Variants in ASB7 observed in about 807,000 individuals in gnomAD.
The protein encoded by ASB7 is ankyrin repeat and SOCS box protein 7.
A neutral mutation model predicts 32.5 loss-of-function variants in ASB7; 4 were observed. That is an observed-to-expected ratio of 0.12 (90% CI 0.06 to 0.28). The LOEUF (loss-of-function observed/expected upper bound fraction) is 0.28, where lower values mean the gene tolerates loss of function less well. ASB7 is among the 10% of genes least tolerant of loss of function. The pLI is 1.00. For synonymous variants in ASB7, 172 were observed against 155.6 expected (o/e 1.11, Z -0.78); for missense variants, 181 against 407.1 (o/e 0.44, Z 4.78).
rs2040018432 is a variant in ASB7 at position 100,649,673 on chromosome 15, A to G, written c.*1211A>G. 1 of 152,232 alleles carries G rather than the reference A, an allele frequency of 6.6e-6. No homozygotes were observed. The highest frequency in any genetic ancestry group is 2.4e-5 in the African/African-American group (1 of 41,466). The allele number at this position is 152,232 out of a possible 1,614,324, so 9.4% of individuals were successfully genotyped here. A position where few individuals can be genotyped will look rare whatever the true frequency, so the allele number is the denominator to read the frequency against. ...ATTATTTTCTGGGTTGATTGGGCAT[A>G]TGTTTGCCGTGTAAACACGGATATG... On this transcript the variant is annotated 3_prime_UTR_variant, in exon 6 of 6. Coordinates refer to ENST00000332783, the MANE Select transcript of ASB7 (RefSeq NM_198243.3).
At chr15:100,642,606 G>A (rs1469754823) in intron 5 of ASB7, among the ~76,000 whole-genome samples, 4 of 67,798 alleles carry the variant, frequency 5.9e-5, no homozygotes, top group Non-Finnish European at 7.3e-5. Context: ...CCACTTTCAG[G>A]TCCCAGAGTC....
Position 100,651,319 on chromosome 15 carries a change from T to C in ASB7, c.*2857T>C, listed in dbSNP as rs1317187001. On this transcript the variant is annotated 3_prime_UTR_variant, in exon 6 of 6. Coordinates refer to ENST00000332783, the MANE Select transcript of ASB7 (RefSeq NM_198243.3). ...ACACAGTAATCCATGCCTGTTAGTT[T>C]GGAGGACTTGACTGTCTCATTTTTT... The C allele has an allele frequency of 1.3e-5, 2 of 152,248 alleles. No individual in the cohort carries two copies. The highest frequency in any genetic ancestry group is 2.9e-5 in the Non-Finnish European group (2 of 68,042). 9.4% of individuals were successfully genotyped at this position (152,248 alleles called of 1,614,324 possible). A position where few individuals can be genotyped will look rare whatever the true frequency, so the allele number is the denominator to read the frequency against.
intron 2 of ASB7, among the ~76,000 whole-genome samples, chr15:100,609,264 T>C (rs878858259): frequency 6.6e-6 from 1 of 152,222 alleles, no homozygotes; most frequent in Admixed American, 6.5e-5. Context: ...TTGTCATAGA[T>C]TTTATTTTAA....
intron 4 of ASB7, among the ~76,000 whole-genome samples, chr15:100,612,993 A>G (rs1044375774): frequency 1.3e-5 from 2 of 152,224 alleles, no homozygotes; most frequent in East Asian, 1.9e-4. Flanking sequence ...ATTGGAAACT[A>G]TATTTGACAT....
chr15:100,621,306 C>A (rs1011431119), intron 4 of ASB7, among the ~76,000 whole-genome samples: 1 of 152,092 alleles, frequency 6.6e-6, no homozygotes, highest in Non-Finnish European at 1.5e-5. Context: ...AAAAGTTTCA[C>A]CTTTCCGAAT....
chr15:100,611,196 T>C (rs1015747108), intron 3 of ASB7, among the ~76,000 whole-genome samples: 5 of 152,048 alleles, frequency 3.3e-5, no homozygotes, highest in Non-Finnish European at 7.4e-5. Context: ...AGGTGCACAC[T>C]ACCATGCCTG....
At chr15:100,646,399 G>A (rs751277475) in intron 5 of ASB7, 33 of 395,434 alleles carry the variant, frequency 8.3e-5, no homozygotes, top group Middle Eastern at 9.2e-4. Context: ...GTACTTCTCC[G>A]CGTATTCTCT....
intron 2 of ASB7, among the ~76,000 whole-genome samples, chr15:100,609,165 G>A (rs1231387066): frequency 1.3e-5 from 2 of 152,178 alleles, no homozygotes; most frequent in Non-Finnish European, 2.9e-5. Flanking sequence ...TTCGGTGTAT[G>A]CATAAAGGAA....
chr15:100,618,699 A>C (rs542822555), intron 4 of ASB7, among the ~76,000 whole-genome samples: 10 of 152,234 alleles, frequency 6.6e-5, no homozygotes, highest in African/African-American at 2.2e-4. Context: ...CAAGGTGGCC[A>C]GCTGATCCTT....
At chr15:100,642,026 A>C (rs2039965074) in intron 5 of ASB7, among the ~76,000 whole-genome samples, 2 of 152,242 alleles carry the variant, frequency 1.3e-5, no homozygotes, top group African/African-American at 4.8e-5. Context: ...TGCCTCCATC[A>C]TTAAAGGAAA....
intron 4 of ASB7, among the ~76,000 whole-genome samples, chr15:100,620,361 A>G (rs74557374): frequency 0.016 from 2,370 of 152,296 alleles, 44 homozygotes; most frequent in African/African-American, 0.042. Flanking sequence ...ACACTGTGCT[A>G]GGGAACACGT....
At chr15:100,640,791 T>C (rs2039955742) in intron 5 of ASB7, among the ~76,000 whole-genome samples, 1 of 152,358 alleles carries the variant, frequency 6.6e-6, no homozygotes, top group African/African-American at 2.4e-5. Flanking sequence ...ATTTAGGATA[T>C]TTAATTTTCT....
At chr15:100,639,277 C>A (rs1318311600) in intron 5 of ASB7, among the ~76,000 whole-genome samples, 3 of 152,186 alleles carry the variant, frequency 2.0e-5, no homozygotes. Context: ...TCACAGATAT[C>A]TGAAGATACT....
At chr15:100,619,416 C>G (rs1255949714) in intron 4 of ASB7, among the ~76,000 whole-genome samples, 1 of 152,178 alleles carries the variant, frequency 6.6e-6, no homozygotes, top group East Asian at 1.9e-4. Flanking sequence ...AGTATGTGAA[C>G]ATATCAGAAG....
At chr15:100,617,631 A>G (rs1022814921) in intron 4 of ASB7, among the ~76,000 whole-genome samples, 2 of 152,192 alleles carry the variant, frequency 1.3e-5, no homozygotes, top group African/African-American at 4.8e-5. Flanking sequence ...CTGCTATGTG[A>G]TACTGTTGTT....
chr15:100,644,690 A>G (rs1229780939), intron 5 of ASB7, among the ~76,000 whole-genome samples: 3 of 152,228 alleles, frequency 2.0e-5, no homozygotes, highest in African/African-American at 7.2e-5. Context: ...TGAACTCACA[A>G]CCTTATTAAA....
intron 4 of ASB7, among the ~76,000 whole-genome samples, chr15:100,620,545 C>A (rs980777381): frequency 2.5e-5 from 2 of 80,940 alleles, no homozygotes. Context: ...TCTGTACAAA[C>A]CCTGGTAGTC....
intron 4 of ASB7, among the ~76,000 whole-genome samples, chr15:100,622,503 A>T (rs533788229): frequency 1.3e-5 from 2 of 152,338 alleles, no homozygotes; most frequent in East Asian, 3.9e-4. Context: ...AGCTGAAGCA[A>T]TCCTGAGCAA....
rs1047186034 is a variant in ASB7, at chr15:100,649,519, A to G, written c.*1057A>G. The G allele has an allele frequency of 6.6e-6, 1 of 152,014 alleles. No individual in the cohort carries two copies. Among genetic ancestry groups the G allele is most frequent in the African/African-American group, 2.4e-5 (1 of 41,324 alleles). The allele number at this position is 152,014 out of a possible 1,614,324, so 9.4% of individuals were successfully genotyped here. ...GCTTCATGGTGTTTCTTTTCTTCCC[A>G]GTTTAAAAAAAAAACTTTTTAAGCG... On this transcript the variant is annotated 3_prime_UTR_variant, in exon 6 of 6. Transcript: ENST00000332783.
Sources: gnomAD v4.1 joint callset for allele counts (sites outside exome capture counted in the v4.1 genomes callset) on GRCh38, gnomAD v4.1.1 for gene constraint, MANE v1.5 for transcripts, NCBI Gene and HGNC (gene_info 2026-07-23, HGNC 2026-07-21) for gene names.